ZNF385D: variants seen among roughly 807,000 people sequenced by gnomAD.
ZNF385D encodes zinc finger protein 659.
Under a neutral mutation model 35.8 loss-of-function variants are expected in ZNF385D, and 15 were observed. The observed-to-expected ratio is 0.42, with a 90% CI of 0.28 to 0.64. ZNF385D has a LOEUF of 0.64. Among genes scored for constraint, ZNF385D ranks in the 30% least tolerant of loss-of-function variants. ZNF385D has a pLI of 0.23. For synonymous variants in ZNF385D, 212 were observed against 186.8 expected (o/e 1.13, Z -1.10); for missense variants, 474 against 494.6 (o/e 0.96, Z 0.39).
intron 2 of ZNF385D, among the ~76,000 whole-genome samples, chr3:21,630,132 A>G (rs564804040): frequency 5.3e-5 from 8 of 152,160 alleles, no homozygotes; most frequent in Admixed American, 3.3e-4. Flanking sequence ...ATTTATTTAT[A>G]TATTTAGCTA....
At chr3:21,802,984 T>C (rs1408524146) in intron 3 of ZNF385D, among the ~76,000 whole-genome samples, 1 of 152,182 alleles carries the variant, frequency 6.6e-6, no homozygotes, top group African/African-American at 2.4e-5. Flanking sequence ...GAAATTTGGA[T>C]AAATTCCAAG....
At chr3:21,441,426 A>G (rs1024840131) in intron 4 of ZNF385D, among the ~76,000 whole-genome samples, 10 of 152,168 alleles carry the variant, frequency 6.6e-5, no homozygotes, top group African/African-American at 2.4e-4. Context: ...TGATTTGAAC[A>G]CAGTCTGGCT....
At chr3:21,790,325 G>A (rs1230824939) in intron 3 of ZNF385D, among the ~76,000 whole-genome samples, 1 of 151,706 alleles carries the variant, frequency 6.6e-6, no homozygotes, top group Admixed American at 6.6e-5. Context: ...TAAAATAGAT[G>A]GTGTTGAGGA....
chr3:21,793,191 A>G (rs552335439), intron 3 of ZNF385D, among the ~76,000 whole-genome samples: 4 of 152,354 alleles, frequency 2.6e-5, no homozygotes, highest in East Asian at 3.9e-4. Flanking sequence ...AAAGTTATGC[A>G]TCATCTCTGC....
chr3:22,019,108 G>A (rs1352678031), intron 3 of ZNF385D, among the ~76,000 whole-genome samples: 4 of 117,988 alleles, frequency 3.4e-5, no homozygotes, highest in Admixed American at 1.0e-4. Context: ...CTTGCTTCAA[G>A]AGCCTTTATT....
chr3:21,570,357 C>G (rs1275063659), intron 2 of ZNF385D, among the ~76,000 whole-genome samples: 3 of 152,136 alleles, frequency 2.0e-5, no homozygotes, highest in Non-Finnish European at 4.4e-5. Flanking sequence ...GGACATGCTT[C>G]AAGTACAGCA....
intron 2 of ZNF385D, among the ~76,000 whole-genome samples, chr3:21,587,038 A>ATGT (rs371590023): frequency 5.3e-5 from 8 of 152,288 alleles, no homozygotes; most frequent in African/African-American, 1.9e-4. Context: ...GTATGAAAGA[A>ATGT]TGTTATGTCA....
intron 2 of ZNF385D, among the ~76,000 whole-genome samples, chr3:21,608,023 G>GTTTTTTTTTGTTTTTTTTTTTTT (rs1553622610): frequency 8.3e-6 from 1 of 120,220 alleles, no homozygotes; most frequent in African/African-American, 3.2e-5. Context: ...TTTTTTTTTT[G>GTTTTTTTTTGTTTTTTTTTTTTT]TTTTTTTTTT....
intron 3 of ZNF385D, among the ~76,000 whole-genome samples, chr3:22,132,586 C>A (rs184745019): frequency 1.4e-3 from 212 of 152,154 alleles, no homozygotes; most frequent in African/African-American, 4.8e-3. Context: ...CCTCAATATA[C>A]TATAAGACCA....
intron 3 of ZNF385D, among the ~76,000 whole-genome samples, chr3:21,552,509 TA>T (rs1364605608): frequency 5.3e-5 from 8 of 152,206 alleles, no homozygotes; most frequent in Non-Finnish European, 1.2e-4. Flanking sequence ...AAACATAATT[TA>T]AAGGTTGGTA....
intron 4 of ZNF385D, among the ~76,000 whole-genome samples, chr3:21,466,152 A>G (rs1703501613): frequency 6.6e-6 from 1 of 152,136 alleles, no homozygotes; most frequent in African/African-American, 2.4e-5. Context: ...CATGCATCCT[A>G]ATAGGCAAAT....
rs188762205 is a variant in ZNF385D at position 21,486,212 on chromosome 3, A to T, written c.439+24649T>A. ...TGAGTGGAAGTGATGCTCAGTGAAT[A>T]ATGAGGCTAATCTGACTGATGATCA... On this transcript the variant is annotated intron_variant, in intron 4 of 7. Coordinates refer to ENST00000281523, the MANE Select transcript of ZNF385D (RefSeq NM_024697.3). Among the ~76,000 whole-genome samples the T allele has an allele frequency of 8.0e-3, 1,124 of 141,100 alleles. 12 individuals carry two copies. Among genetic ancestry groups the T allele is most frequent in the Middle Eastern group, 0.039 (11 of 284 alleles). 92.6% of individuals were successfully genotyped at this position (141,100 alleles called of 152,430 possible). A position where few individuals can be genotyped will look rare whatever the true frequency, so the allele number is the denominator to read the frequency against.
Position 21,539,087 on chromosome 3 carries a change from G to A in ZNF385D, c.276+25487C>T, listed in dbSNP as rs1333645189. 1.3e-5 allele frequency among the ~76,000 whole-genome samples: 2 copies of A among 152,164 alleles called. No individual in the cohort carries two copies. Among genetic ancestry groups the A allele is most frequent in the African/African-American group, 2.4e-5 (1 of 41,546 alleles). ...TTTCAGCTAATACGGAACAAAGGGA[G>A]TGGGTGCAGCAAAATATTCAAGTTA... is the stretch of plus-strand genomic sequence containing the variant. On this transcript the variant is annotated intron_variant, in intron 3 of 7. Coordinates refer to ENST00000281523, the MANE Select transcript of ZNF385D (RefSeq NM_024697.3). The surrounding 1 kb of genome is among the most constrained non-coding windows in gnomAD (Gnocchi z 4.0).
rs1346574109 is a variant in ZNF385D at position 21,660,056 on chromosome 3, T to A, written c.165+4830A>T. On this transcript the variant is annotated intron_variant, in intron 2 of 7. Coordinates refer to ENST00000281523, the MANE Select transcript of ZNF385D (RefSeq NM_024697.3). ...ACAGTACACTCAAGTTTCCAGCAGT[T>A]GGTCCTTTGTAAAACTAGGAGTCAG... Among the ~76,000 whole-genome samples, 4 of 152,222 alleles carry A rather than the reference T, an allele frequency of 2.6e-5. No individual in the cohort carries two copies. In the East Asian group the frequency reaches 7.7e-4, roughly 29 times the overall value.
At chr3:22,352,197 A>G (rs1695947275) in intron 2 of ZNF385D, among the ~76,000 whole-genome samples, 1 of 152,206 alleles carries the variant, frequency 6.6e-6, no homozygotes, top group Non-Finnish European at 1.5e-5. Context: ...CACATGTGAA[A>G]GCAAAATTGA....
chr3:22,311,462 C>T (rs998314135), intron 2 of ZNF385D, among the ~76,000 whole-genome samples: 18 of 151,970 alleles, frequency 1.2e-4, no homozygotes, highest in Non-Finnish European at 1.8e-4. Context: ...GCAAGTCTCA[C>T]TTTGTTTTTA....
At chr3:21,617,245 A>T (rs1189595117) in intron 2 of ZNF385D, among the ~76,000 whole-genome samples, 1 of 152,222 alleles carries the variant, frequency 6.6e-6, no homozygotes, top group East Asian at 1.9e-4. Context: ...TCATGTGCTC[A>T]AAACAATAAC....
intron 3 of ZNF385D, among the ~76,000 whole-genome samples, chr3:22,035,564 C>T (rs964550076): frequency 2.0e-5 from 3 of 152,084 alleles, no homozygotes; most frequent in Admixed American, 6.6e-5. Flanking sequence ...TGAGTGCTTG[C>T]TTAAGTAATT....
At chr3:22,277,804 T>C (rs1017196442) in intron 2 of ZNF385D, among the ~76,000 whole-genome samples, 32 of 152,056 alleles carry the variant, frequency 2.1e-4, no homozygotes, top group Middle Eastern at 3.2e-3. Context: ...GGCTGAGTCC[T>C]AAAGGATGGC....
Sources: allele counts gnomAD v4.1 joint callset (sites outside exome capture counted in the v4.1 genomes callset), GRCh38; gene constraint gnomAD v4.1.1; non-coding constraint Gnocchi (gnomAD v3.1); transcripts MANE v1.5; gene names NCBI Gene and HGNC (gene_info 2026-07-23, HGNC 2026-07-21).